Variants in FGFR1 observed in about 807,000 individuals in gnomAD.
FGFR1 encodes fibroblast growth factor receptor 1.
Under a neutral mutation model 93.7 loss-of-function variants are expected in FGFR1, and 18 were observed. That is an observed-to-expected ratio of 0.19 (90% confidence interval 0.13 to 0.28). The LOEUF is 0.28. Among genes scored for constraint, FGFR1 ranks in the 10% least tolerant of loss-of-function variants. FGFR1 has a pLI of 1.00. For missense variants in FGFR1, 731 were observed against 1,080.4 expected (o/e 0.68, Z 4.53); for synonymous variants, 448 against 429.3 (o/e 1.04, Z -0.54).
chr8:38,422,031 G>T, intron 7 of FGFR1, 90 bp from the exon 8 acceptor site: 1 of 1,449,538 alleles, frequency 6.9e-7, no homozygotes, highest in Non-Finnish European at 9.5e-7. Context: ...GAAAGAAGGG[G>T]GACTAGAGGA....
intron 1 of FGFR1, chr8:38,461,215 A>T (rs1051240398): frequency 2.1e-6 from 3 of 1,406,550 alleles, no homozygotes; most frequent in Non-Finnish European, 2.9e-6. Context: ...GTGAGATAGC[A>T]GGGGCTGGAC....
At chr8:38,415,208 G>A (rs1288416836) in intron 13 of FGFR1, among the ~76,000 whole-genome samples, 1 of 152,146 alleles carries the variant, frequency 6.6e-6, no homozygotes, top group East Asian at 1.9e-4. Flanking sequence ...GCTCAAACCA[G>A]GCCAGCCCTT....
intron 5 of FGFR1, among the ~76,000 whole-genome samples, chr8:38,427,668 A>G (rs1019695788): frequency 3.3e-5 from 5 of 152,220 alleles, no homozygotes; most frequent in African/African-American, 7.2e-5. Flanking sequence ...TCAGGAAAAG[A>G]CTCATGTTAA....
At chr8:38,427,841 T>C in intron 5 of FGFR1, 80 bp downstream of exon 5, 1 of 1,512,758 alleles carries the variant, frequency 6.6e-7, no homozygotes, top group East Asian at 2.3e-5. Context: ...CTTAAAAAAA[T>C]GAAAAGCATG....
intron 1 of FGFR1, chr8:38,461,102 T>C (rs1393392437): frequency 6.5e-7 from 1 of 1,536,058 alleles, no homozygotes; most frequent in South Asian, 1.2e-5. Flanking sequence ...TTGCCTTGCC[T>C]CCATCACAGG....
intron 1 of FGFR1, among the ~76,000 whole-genome samples, chr8:38,461,483 A>G (rs1462678479): frequency 6.6e-6 from 1 of 152,072 alleles, no homozygotes; most frequent in South Asian, 2.1e-4. Flanking sequence ...AATTTTCTGT[A>G]TATTTAATAA....
At chr8:38,434,067 C>T (rs17182247) in intron 2 of FGFR1, among the ~76,000 whole-genome samples, 2 of 152,212 alleles carry the variant, frequency 1.3e-5, no homozygotes, top group African/African-American at 4.8e-5. Flanking sequence ...GTTCAAACTT[C>T]CTCCATGTTA....
Position 38,431,772 on chromosome 8 carries a change from G to A in FGFR1, c.92-1824C>T, listed in dbSNP as rs574868770. Among the ~76,000 whole-genome samples the A allele has an allele frequency of 1.9e-4, 29 of 152,298 alleles. No individual in the cohort carries two copies. In the South Asian group the frequency reaches 5.2e-3, roughly 27 times the overall value. Reference sequence around the variant, plus strand: ...CTCAGAAACCACTAGGCTTGCACACGTTTATTTTTGTGAGTCCGGTCAAGG... The same window carrying A: ...CTCAGAAACCACTAGGCTTGCACACATTTATTTTTGTGAGTCCGGTCAAGG... On this transcript the variant is annotated intron_variant, in intron 2 of 17. Coordinates refer to ENST00000447712, the MANE Select transcript of FGFR1 (RefSeq NM_023110.3).
rs1814306931 is a variant in FGFR1, at chr8:38,411,180, C to G, written c.*2448G>C. 1 of 200,150 alleles carries G rather than the reference C, an allele frequency of 5.0e-6. No homozygotes were observed. The highest frequency in any genetic ancestry group is 1.0e-5 in the Non-Finnish European group (1 of 96,990). 12.4% of individuals were successfully genotyped at this position (200,150 alleles called of 1,614,324 possible). On this transcript the variant is annotated 3_prime_UTR_variant, in exon 18 of 18. Transcript: ENST00000447712. ...TCTTTTATTTGACAGCTAGCGCAGT[C>G]TTTGGGGAAATTTGTGGGTGATTTG...
chr8:38,422,163 AT>A, intron 7 of FGFR1: 1 of 574,220 alleles, frequency 1.7e-6, no homozygotes, highest in South Asian at 1.9e-5. Context: ...TGAGAAGACG[AT>A]GGCTGGTTAC....
chr8:38,454,140 T>A (rs1003583296), intron 2 of FGFR1, among the ~76,000 whole-genome samples: 2 of 152,072 alleles, frequency 1.3e-5, no homozygotes, highest in African/African-American at 2.4e-5. Context: ...TTTGTCCTCA[T>A]CAAGATCTTC....
chr8:38,419,524 T>C lies in FGFR1; in HGVS notation c.1284+9A>G. ...TGGTGCTGAGTGTGCAAATCCCCCATCTACTTTCTGTTACCTGTCTGCGCA... is the reference window on the plus strand; with the variant it reads ...TGGTGCTGAGTGTGCAAATCCCCCACCTACTTTCTGTTACCTGTCTGCGCA... On this transcript the variant is annotated intron_variant, in intron 9 of 17. Transcript: ENST00000447712. 6.2e-7 allele frequency: 1 copy of C among 1,613,212 alleles called. No homozygotes were observed. The highest frequency in any genetic ancestry group is 8.5e-7 in the Non-Finnish European group (1 of 1,179,278).
chr8:38,439,319 G>A (rs1240970806), intron 2 of FGFR1, among the ~76,000 whole-genome samples: 1 of 152,020 alleles, frequency 6.6e-6, no homozygotes, highest in Non-Finnish European at 1.5e-5. Context: ...GCTCTGCCTG[G>A]GCCACAGGAG....
chr8:38,423,452 G>C, intron 7 of FGFR1: 1 of 377,256 alleles, frequency 2.7e-6, no homozygotes, highest in South Asian at 2.4e-5. Context: ...CTCCTGAGTA[G>C]CTGGGACTAC....
chr8:38,412,838 A>C lies in FGFR1; in HGVS notation c.*790T>G, dbSNP rs1057469983. The stretch of plus-strand genomic sequence containing the variant: ...GCAAAAAATATATGACCTTTTTAAA[A>C]ACATTTTCCTTTTTTTTCTTTTTTG... On this transcript the variant is annotated 3_prime_UTR_variant, in exon 18 of 18. Coordinates refer to ENST00000447712, the MANE Select transcript of FGFR1 (RefSeq NM_023110.3). 1 of 233,518 alleles carries C rather than the reference A, an allele frequency of 4.3e-6. No individual in the cohort carries two copies. Among genetic ancestry groups the C allele is most frequent in the African/African-American group, 2.2e-5 (1 of 45,354 alleles). 14.5% of individuals were successfully genotyped at this position (233,518 alleles called of 1,614,324 possible).
At position 38,459,208 on chromosome 8, in the gene FGFR1, C is replaced by T. The variant is rs529206872; in HGVS notation, c.-88-1674G>A. Among the ~76,000 whole-genome samples the T allele has an allele frequency of 2.6e-5, 4 of 152,282 alleles. No homozygotes were observed. In the East Asian group the frequency reaches 7.7e-4, roughly 29 times the overall value. ...CTCTATTTTCCAGGTGGCTTCTGTC[C>T]TAAATGCTCCAGGGAGCCATCCAAG... On this transcript the variant is annotated intron_variant, in intron 1 of 17. Coordinates refer to ENST00000447712, the MANE Select transcript of FGFR1 (RefSeq NM_023110.3).
intron 2 of FGFR1, among the ~76,000 whole-genome samples, chr8:38,450,411 C>T (rs998517756): frequency 6.6e-5 from 10 of 152,144 alleles, no homozygotes; most frequent in East Asian, 3.9e-4. Flanking sequence ...CCCGGAGGAA[C>T]GAGGCATTGT....
At chr8:38,438,612 G>T (rs1650437252) in intron 2 of FGFR1, among the ~76,000 whole-genome samples, 2 of 151,960 alleles carry the variant, frequency 1.3e-5, no homozygotes, top group Admixed American at 1.3e-4. Context: ...TTTGGGATTA[G>T]TCCAAGATGG....
intron 2 of FGFR1, among the ~76,000 whole-genome samples, chr8:38,452,585 A>AC (rs1831430394): frequency 6.6e-6 from 1 of 151,616 alleles, no homozygotes; most frequent in Non-Finnish European, 1.5e-5. Context: ...CTGGTCTGGA[A>AC]CTCCCGGGCT....
Sources: gnomAD v4.1 joint callset for allele counts (sites outside exome capture counted in the v4.1 genomes callset) on GRCh38, gnomAD v4.1.1 for gene constraint, MANE v1.5 for transcripts, NCBI Gene and HGNC (gene_info 2026-07-23, HGNC 2026-07-21) for gene names.